Variants in NME6 observed in about 807,000 individuals in gnomAD.
NME6 encodes nucleoside diphosphate kinase 6, mitochondrial.
NME6 carries 16 observed loss-of-function variants against 22.2 expected under a neutral mutation model. The ratio of observed to expected loss-of-function variants is 0.72; its 90% CI spans 0.49 to 1.09. The LOEUF (loss-of-function observed/expected upper bound fraction) is 1.09, where lower values mean the gene tolerates loss of function less well. Ranked by LOEUF, NME6 falls within the 50% of genes least tolerant of loss-of-function variation. NME6 has a pLI of 0.00. For missense variants in NME6, 229 were observed against 239.0 expected, an observed-to-expected ratio of 0.96 and a Z score of 0.28; for synonymous variants, 58 against 85.2, an observed-to-expected ratio of 0.68 and a Z score of 1.76.
At chr3:48,289,417 G>A (rs1007358557), downstream of NME6, among the ~76,000 whole-genome samples, 1 of 152,122 alleles carries the variant, frequency 6.6e-6, no homozygotes, top group Admixed American at 6.5e-5. Flanking sequence ...ATTGAGGGAG[G>A]GGGTGGATGG....
intron 1 of NME6, chr3:48,300,172 G>A: frequency 2.2e-6 from 1 of 450,604 alleles, no homozygotes; most frequent in Non-Finnish European, 4.5e-6. Flanking sequence ...TAATCATATG[G>A]TTCCCCTCCT....
At chr3:48,288,853 A>G (rs2034289135), downstream of NME6, among the ~76,000 whole-genome samples, 1 of 152,098 alleles carries the variant, frequency 6.6e-6, no homozygotes, top group South Asian at 2.1e-4. Context: ...TTGGGACCTA[A>G]AGGAGAAACA....
intron 2 of NME6, chr3:48,297,824 T>C (rs570799033): frequency 1.4e-4 from 21 of 154,890 alleles, no homozygotes; most frequent in African/African-American, 3.8e-4. Flanking sequence ...ATGAGAAGGA[T>C]TCAATGCACT....
In NME6 at chr3:48,299,841, T is replaced by C. The variant is rs115292135; in HGVS notation, c.-7-1318A>G. On this transcript the variant is annotated intron_variant, in intron 1 of 5. Coordinates refer to ENST00000442597, the MANE Select transcript of NME6 (RefSeq NM_001308426.2). The stretch of plus-strand genomic sequence containing the variant: ...ATAAAGCCACACCCAATCTAACCAG[T>C]ACAAGATCAGCTAACCCACTCTCCC... 6.7e-3 allele frequency among the ~76,000 whole-genome samples: 1,025 copies of C among 152,232 alleles called. 7 individuals carry two copies. The highest frequency in any genetic ancestry group is 0.017 in the Middle Eastern group (5 of 294).
intron 3 of NME6, 157 bp from the exon 4 acceptor site, chr3:48,296,315 G>T: frequency 2.0e-6 from 2 of 1,001,368 alleles, no homozygotes; most frequent in East Asian, 2.6e-5. Flanking sequence ...TCCAGGGTCT[G>T]CCACTTACAA....
chr3:48,288,387 GA>G (rs557716988), downstream of NME6, among the ~76,000 whole-genome samples: 1,073 of 146,778 alleles, frequency 7.3e-3, 8 homozygotes, highest in Middle Eastern at 0.042. Context: ...AAAAAAAAAA[GA>G]AAAAAAAAAT....
intron 1 of NME6, among the ~76,000 whole-genome samples, chr3:48,299,552 TACA>T (rs2035477019): frequency 6.6e-6 from 1 of 151,516 alleles, no homozygotes; most frequent in African/African-American, 2.4e-5. Flanking sequence ...CTGACTCTAC[TACA>T]TATGTGTGTA....
chr3:48,296,128 A>T lies in NME6; in HGVS notation c.224T>A (p.Phe75Tyr). ...ACCAAATTTGAAGTACCTGGCCATG[A>T]ACTCCACCAGCCTCTGATAGAAAAA... is the stretch of plus-strand genomic sequence containing the variant. ...GRFFYQRLVE[F>Y]MASGPIRAYI... The change falls in exon 4 of 6, where the codon TTC becomes TAC. Residue 75 changes from phenylalanine (F) to tyrosine (Y), a missense_variant. Physicochemically the swap from Phe to Tyr is conservative, Grantham distance 22. Coordinates refer to ENST00000442597, the MANE Select transcript of NME6 (RefSeq NM_001308426.2). The T allele has an allele frequency of 6.2e-7, 1 of 1,612,096 alleles. No individual in the cohort carries two copies. The highest frequency in any genetic ancestry group is 1.1e-5 in the South Asian group (1 of 91,026).
chr3:48,295,515 A>C, intron 4 of NME6: 1 of 401,212 alleles, frequency 2.5e-6, no homozygotes, highest in Non-Finnish European at 4.4e-6. Context: ...ACAGCCCCAA[A>C]CCCGTGTTTC....
Position 48,296,267 on chromosome 3 carries a change from G to C in NME6, c.194-109C>G, listed in dbSNP as rs2035090874. The C allele has an allele frequency of 3.3e-6, 5 of 1,504,254 alleles. No individual in the cohort carries two copies. In the South Asian group the frequency reaches 5.9e-5, roughly 18 times the overall value. The allele number at this position is 1,504,254 out of a possible 1,614,324, so 93.2% of individuals were successfully genotyped here. On this transcript the variant is annotated intron_variant, in intron 3 of 5. Coordinates refer to ENST00000442597, the MANE Select transcript of NME6 (RefSeq NM_001308426.2). ...ATAATAAAAATTGTTTCAGAGAAAA[G>C]AACAAGGACCTTGGAGTCTGACAAA...
Position 48,295,072 on chromosome 3 carries a change from C to A in NME6, c.394+3G>T, listed in dbSNP as rs1412573757. On this transcript the variant is annotated splice_donor_region_variant and intron_variant, in intron 5 of 5. Transcript: ENST00000442597. Reference sequence around the variant, plus strand: ...ATCCTATGGCTATGGACAGGGGACTCACCCGAACCATGGGTGGTGTTGCGG... The same window carrying A: ...ATCCTATGGCTATGGACAGGGGACTAACCCGAACCATGGGTGGTGTTGCGG... 1.9e-6 allele frequency: 3 copies of A among 1,613,776 alleles called. No individual in the cohort carries two copies. The highest frequency in any genetic ancestry group is 1.7e-6 in the Non-Finnish European group (2 of 1,179,880).
chr3:48,300,535 C>G, intron 1 of NME6: 1 of 357,078 alleles, frequency 2.8e-6, no homozygotes, highest in South Asian at 2.1e-5. Context: ...ACCTAGCACA[C>G]AGCTGGCTCT....
At chr3:48,297,447 C>G (rs1027659129) in intron 2 of NME6, 1 of 152,912 alleles carries the variant, frequency 6.5e-6, no homozygotes, top group Non-Finnish European at 1.5e-5. Flanking sequence ...ACTTCCAGGC[C>G]CCCACTCCTG....
intron 1 of NME6, chr3:48,298,974 G>A: frequency 1.4e-6 from 1 of 702,936 alleles, no homozygotes; most frequent in Non-Finnish European, 2.6e-6. Context: ...ATCAAATCTA[G>A]AATTGGAAGA....
Position 48,298,451 on chromosome 3 carries a change from T to C in NME6, c.66A>G (p.Ala22=). Residue 22 remains alanine (A), a synonymous_variant, in exon 2 of 6, where the codon GCA becomes GCG. Transcript: ENST00000442597. ...CCTCCAGAATCAGTGGATGGGCGAC[T>C]GCGTCAGGCTTGATCAGGGCTAGAG... ...QLTLALIKPD[A]VAHPLILEAV... is the part of the protein sequence containing the mutation. 1.9e-6 allele frequency: 3 copies of C among 1,614,144 alleles called. No homozygotes were observed. Among genetic ancestry groups the C allele is most frequent in the Non-Finnish European group, 2.5e-6 (3 of 1,179,986 alleles).
intron 3 of NME6, 144 bp from the exon 4 acceptor site, chr3:48,296,302 G>A (rs540682450): frequency 1.7e-6 from 2 of 1,150,940 alleles, no homozygotes; most frequent in Non-Finnish European, 2.5e-6. Flanking sequence ...ACCTGGGTCT[G>A]AATCCAGGGT....
intron 2 of NME6, chr3:48,297,582 A>C (rs960901511): frequency 6.6e-6 from 1 of 152,416 alleles, no homozygotes; most frequent in Admixed American, 6.5e-5. Flanking sequence ...TTCCCACCCT[A>C]ATCTCCAGGA....
intron 1 of NME6, among the ~76,000 whole-genome samples, chr3:48,299,577 G>A (rs910430052): frequency 2.0e-5 from 3 of 151,074 alleles, no homozygotes; most frequent in South Asian, 2.1e-4. Flanking sequence ...GTGTGTGTGT[G>A]TATATATATA....
intron 2 of NME6, 86 bp downstream of exon 2, chr3:48,298,341 T>G: frequency 1.7e-6 from 2 of 1,149,776 alleles, no homozygotes. Context: ...CAAGTCTGTG[T>G]TGTCAGTCAC....
Sources: gnomAD v4.1 joint callset for allele counts (sites outside exome capture counted in the v4.1 genomes callset) on GRCh38, gnomAD v4.1.1 for gene constraint, MANE v1.5 for transcripts, NCBI Gene and HGNC (gene_info 2026-07-23, HGNC 2026-07-21) for gene names.